Variants in TASP1 observed in about 807,000 individuals in gnomAD.
The protein encoded by TASP1 is taspase 1.
A neutral mutation model predicts 56.6 loss-of-function variants in TASP1; 16 were observed. The ratio of observed to expected loss-of-function variants is 0.28; its 90% CI spans 0.19 to 0.43. The LOEUF is 0.43. Ranked by LOEUF, TASP1 falls within the 20% of genes least tolerant of loss-of-function variation. TASP1 has a pLI of 1.00. For synonymous variants in TASP1, 179 were observed against 184.2 expected (o/e 0.97, Z 0.23); for missense variants, 393 against 511.6 (o/e 0.77, Z 2.24).
At chr20:13,269,673 T>C in the TASP1 span, among the ~76,000 whole-genome samples, 2 of 152,178 alleles carry the variant, frequency 1.3e-5, no homozygotes, top group African/African-American at 4.8e-5. Context: ...GCCTCAAGTG[T>C]CACCTTCTCT....
At chr20:13,237,721 A>G in the TASP1 span, 1 of 152,208 alleles carries the variant, frequency 6.6e-6, no homozygotes. Context: ...CAATTTTAAT[A>G]AAAGAGTAAA....
chr20:13,345,687 T>C, the TASP1 span, among the ~76,000 whole-genome samples: 1 of 151,832 alleles, frequency 6.6e-6, no homozygotes, highest in African/African-American at 2.4e-5. Context: ...GAATGGCCCC[T>C]GGCACTGGAA....
At chr20:13,127,368 T>C in the TASP1 span, among the ~76,000 whole-genome samples, 1 of 152,212 alleles carries the variant, frequency 6.6e-6, no homozygotes, top group Non-Finnish European at 1.5e-5. Context: ...CGGTGCTGAA[T>C]AAGGCAGTTC....
intron 13 of TASP1, among the ~76,000 whole-genome samples, chr20:13,401,967 T>G (rs1405271937): frequency 6.6e-6 from 1 of 152,202 alleles, no homozygotes; most frequent in African/African-American, 2.4e-5. Flanking sequence ...GATAGAGAAA[T>G]TAATGTTTTC....
the TASP1 span, among the ~76,000 whole-genome samples, chr20:13,148,875 C>T: frequency 6.6e-6 from 1 of 152,186 alleles, no homozygotes. Flanking sequence ...CAGAAAATGG[C>T]AATTCCCCTT....
Position 13,394,307 on chromosome 20 carries a change from C to CAAAAAAAAAAAAAAA in TASP1, c.1171-3870_1171-3856dup, listed in dbSNP as rs57418361. 1.0e-3 allele frequency among the ~76,000 whole-genome samples: 43 copies of CAAAAAAAAAAAAAAA among 42,946 alleles called. 3 individuals carry two copies. Among genetic ancestry groups the CAAAAAAAAAAAAAAA allele is most frequent in the African/African-American group, 3.8e-3 (41 of 10,874 alleles). The allele number at this position is 42,946 out of a possible 152,430, so 28.2% of individuals were successfully genotyped here. ...GCCACTGCACTACAGCACTCCCTCT[C>CAAAAAAAAAAAAAAA]AAAAAAAAAAAAAAAAAAAAAGGCC... On this transcript the variant is annotated intron_variant, in intron 13 of 13. Transcript: ENST00000337743.
the TASP1 span, among the ~76,000 whole-genome samples, chr20:13,311,038 A>G: frequency 6.6e-6 from 1 of 152,146 alleles, no homozygotes; most frequent in African/African-American, 2.4e-5. Flanking sequence ...TACTGAAAAT[A>G]CAAAAATTAG....
the TASP1 span, among the ~76,000 whole-genome samples, chr20:13,211,909 T>A: frequency 6.6e-6 from 1 of 152,170 alleles, no homozygotes; most frequent in Non-Finnish European, 1.5e-5. Context: ...CTTGATTTTT[T>A]CTTCTTGTGG....
the TASP1 span, among the ~76,000 whole-genome samples, chr20:13,376,313 A>G: frequency 2.0e-5 from 3 of 152,304 alleles, no homozygotes; most frequent in African/African-American, 7.2e-5. Flanking sequence ...TTTTCCCAAC[A>G]CCATTTATTA....
At chr20:13,624,803 G>C (rs1600197057) in intron 3 of TASP1, among the ~76,000 whole-genome samples, 1 of 152,232 alleles carries the variant, frequency 6.6e-6, no homozygotes, top group East Asian at 1.9e-4. Flanking sequence ...GAATGAAAAA[G>C]TATAGGAAAG....
intron 8 of TASP1, among the ~76,000 whole-genome samples, chr20:13,554,123 G>A (rs745843602): frequency 1.1e-4 from 17 of 152,078 alleles, no homozygotes; most frequent in Non-Finnish European, 2.1e-4. Context: ...AAAATTTCAG[G>A]AGCCATATCA....
the TASP1 span, among the ~76,000 whole-genome samples, chr20:13,266,260 A>G: frequency 6.6e-6 from 1 of 152,248 alleles, no homozygotes; most frequent in Non-Finnish European, 1.5e-5. Flanking sequence ...CAGTACTGCC[A>G]TGTAAGGCAA....
intron 12 of TASP1, among the ~76,000 whole-genome samples, chr20:13,428,072 C>T (rs939183118): frequency 2.0e-5 from 3 of 152,146 alleles, no homozygotes; most frequent in African/African-American, 7.2e-5. Context: ...AACACACAGC[C>T]TCTTTTTACT....
the TASP1 span, among the ~76,000 whole-genome samples, chr20:13,335,999 A>T: frequency 6.1e-3 from 922 of 152,314 alleles, 8 homozygotes; most frequent in Middle Eastern, 0.01. Flanking sequence ...ACAATAAAAG[A>T]TGAAAAATTT....
At chr20:13,221,601 C>A in the TASP1 span, among the ~76,000 whole-genome samples, 7 of 146,600 alleles carry the variant, frequency 4.8e-5, no homozygotes, top group Middle Eastern at 0.014. Context: ...TCCCCCGGCC[C>A]CGCACACCCC....
At chr20:13,439,039 G>C (rs79424132) in intron 11 of TASP1, among the ~76,000 whole-genome samples, 9,065 of 152,106 alleles carry the variant, frequency 0.06, 371 homozygotes, top group African/African-American at 0.12. Context: ...GAAATAGGAA[G>C]ACTTTTACAC....
At chr20:13,491,055 A>G (rs1243998889) in intron 10 of TASP1, among the ~76,000 whole-genome samples, 5 of 152,166 alleles carry the variant, frequency 3.3e-5, no homozygotes, top group Non-Finnish European at 7.3e-5. Context: ...CATCACTGAG[A>G]GAGCCTAAAA....
intron 6 of TASP1, among the ~76,000 whole-genome samples, chr20:13,570,266 C>A (rs2046667622): frequency 6.6e-6 from 1 of 152,040 alleles, no homozygotes; most frequent in South Asian, 2.1e-4. Context: ...TACCCCATTC[C>A]CTAAGTAATT....
the TASP1 span, among the ~76,000 whole-genome samples, chr20:13,123,258 G>C: frequency 6.6e-6 from 1 of 152,058 alleles, no homozygotes; most frequent in South Asian, 2.1e-4. Flanking sequence ...TGGAGCCCAG[G>C]AGACGAAGGT....
Sources: gnomAD v4.1 joint callset for allele counts (sites outside exome capture counted in the v4.1 genomes callset) on GRCh38, gnomAD v4.1.1 for gene constraint, MANE v1.5 for transcripts, NCBI Gene and HGNC (gene_info 2026-07-23, HGNC 2026-07-21) for gene names.